The following SETD7 variants were observed in gnomAD, a reference collection of about 807,000 sequenced individuals.
The protein encoded by SETD7 is histone-lysine N-methyltransferase SETD7.
SETD7 carries 16 observed loss-of-function variants against 41.8 expected under a neutral mutation model. That is an observed-to-expected ratio of 0.38 (90% CI 0.26 to 0.58). The LOEUF (loss-of-function observed/expected upper bound fraction) is 0.58, where lower values mean the gene tolerates loss of function less well. Among genes scored for constraint, SETD7 ranks in the 20% least tolerant of loss-of-function variants. SETD7 has a pLI of 0.64. For synonymous variants in SETD7, 163 were observed against 169.7 expected, an observed-to-expected ratio of 0.96 and a Z score of 0.31; for missense variants, 346 against 459.7, an observed-to-expected ratio of 0.75 and a Z score of 2.26.
At chr4:139,514,248 G>A (rs769007259) in intron 7 of SETD7, among the ~76,000 whole-genome samples, 26 of 151,984 alleles carry the variant, frequency 1.7e-4, no homozygotes, top group Non-Finnish European at 2.9e-4. Flanking sequence ...TTATGCCACT[G>A]CACTCCAGTT....
chr4:139,545,590 T>C (rs1034166828), intron 2 of SETD7, among the ~76,000 whole-genome samples: 7 of 152,218 alleles, frequency 4.6e-5, no homozygotes, highest in Admixed American at 3.3e-4. Context: ...GGAATTATAA[T>C]TAAAATGAAA....
chr4:139,546,835 C>G, intron 2 of SETD7, 85 bp downstream of exon 2: 1 of 1,575,342 alleles, frequency 6.3e-7, no homozygotes, highest in South Asian at 1.1e-5. Flanking sequence ...AGAAAAACTT[C>G]CACTTGAATT....
intron 5 of SETD7, among the ~76,000 whole-genome samples, chr4:139,522,328 A>G (rs1285914337): frequency 1.3e-5 from 2 of 152,200 alleles, no homozygotes; most frequent in Admixed American, 1.3e-4. Flanking sequence ...TCATAAACAG[A>G]TCTGTTGCTA....
chr4:139,530,749 G>A (rs1727462846), intron 3 of SETD7, among the ~76,000 whole-genome samples: 1 of 152,110 alleles, frequency 6.6e-6, no homozygotes, highest in African/African-American at 2.4e-5. Context: ...TATTTGTCCA[G>A]AATGATAAAG....
intron 1 of SETD7, 82 bp from the exon 2 acceptor site, chr4:139,547,131 G>T: frequency 6.5e-7 from 1 of 1,542,304 alleles, no homozygotes; most frequent in Non-Finnish European, 8.8e-7. Context: ...GATGCTGCCA[G>T]ACAAGTCCCC....
chr4:139,497,893 C>T (rs976174036), intron 7 of SETD7, among the ~76,000 whole-genome samples: 3 of 152,090 alleles, frequency 2.0e-5, no homozygotes, highest in Non-Finnish European at 2.9e-5. Context: ...TCATCCTTTC[C>T]CTAGAGGTGT....
At chr4:139,512,483 G>GGA (rs1245127344) in intron 7 of SETD7, among the ~76,000 whole-genome samples, 33 of 152,316 alleles carry the variant, frequency 2.2e-4, no homozygotes, top group Non-Finnish European at 4.3e-4. Flanking sequence ...CCTATGAAGA[G>GGA]AGCAGTATCT....
chr4:139,550,396 T>C (rs6536238), intron 1 of SETD7, among the ~76,000 whole-genome samples: 83,116 of 152,044 alleles, frequency 0.55, 23,849 homozygotes, highest in African/African-American at 0.74. Context: ...AGCAGGAGCC[T>C]CTTCCTGGCT....
chr4:139,551,268 G>A (rs922980717), intron 1 of SETD7, among the ~76,000 whole-genome samples: 2 of 152,250 alleles, frequency 1.3e-5, no homozygotes, highest in African/African-American at 4.8e-5. Context: ...ACTGAACAGA[G>A]GGTGAATACC....
At chr4:139,553,815 T>C (rs1417406389) in intron 1 of SETD7, among the ~76,000 whole-genome samples, 1 of 152,224 alleles carries the variant, frequency 6.6e-6, no homozygotes, top group Admixed American at 6.5e-5. Context: ...AGTTGGTACT[T>C]AAACACTAAG....
At chr4:139,523,783 T>C (rs956000340) in intron 4 of SETD7, among the ~76,000 whole-genome samples, 2 of 152,342 alleles carry the variant, frequency 1.3e-5, no homozygotes, top group Admixed American at 6.5e-5. Flanking sequence ...TGGTTTTAAA[T>C]TTTTCTGGTG....
chr4:139,524,579 A>G (rs1430710652), intron 4 of SETD7, among the ~76,000 whole-genome samples: 2 of 152,208 alleles, frequency 1.3e-5, no homozygotes, highest in African/African-American at 4.8e-5. Flanking sequence ...GCTGGTTGAC[A>G]CAGAGAGGGC....
chr4:139,542,826 T>C (rs1313215092), intron 2 of SETD7, among the ~76,000 whole-genome samples: 3 of 152,244 alleles, frequency 2.0e-5, no homozygotes, highest in Admixed American at 2.0e-4. Context: ...TTGAAATTCT[T>C]ATTCAGATTT....
rs34969738 is a variant in SETD7, at chr4:139,555,182, CA to C, written c.40+915del. 0.12 allele frequency among the ~76,000 whole-genome samples: 13,445 copies of C among 110,226 alleles called. 981 individuals are homozygous for C. The highest frequency in any genetic ancestry group is 0.24 in the African/African-American group (7,646 of 31,992). The allele number at this position is 110,226 out of a possible 152,430, so 72.3% of individuals were successfully genotyped here. On this transcript the variant is annotated intron_variant, in intron 1 of 7. Transcript: ENST00000274031. This position sits in a 1 kb window ranked among gnomAD's most constrained non-coding sequence, Gnocchi z 4.0. ...CCCCACATCGTTTTTTCAGAACTAA[CA>C]AAAAAAAAAAAAAAAAGGTGGAGAA... is the stretch of plus-strand genomic sequence containing the variant.
chr4:139,516,237 G>A (rs1432664624), intron 7 of SETD7, among the ~76,000 whole-genome samples: 7 of 151,898 alleles, frequency 4.6e-5, no homozygotes, highest in Non-Finnish European at 8.8e-5. Flanking sequence ...AGGCTGAGGC[G>A]GGTGGATCCC....
intron 2 of SETD7, among the ~76,000 whole-genome samples, chr4:139,541,541 G>A (rs1250725123): frequency 6.6e-6 from 1 of 152,212 alleles, no homozygotes; most frequent in Admixed American, 6.5e-5. Flanking sequence ...TCGGGACCGA[G>A]TGGATGTAAA....
rs1281575007 is a variant in SETD7, at chr4:139,511,569, G to T, written c.*94C>A. On this transcript the variant is annotated 3_prime_UTR_variant, in exon 8 of 8. Coordinates refer to ENST00000274031, the MANE Select transcript of SETD7 (RefSeq NM_030648.4). ...CATGGTGAGAGGATGTGACGTCACA[G>T]CATGAGCAGTCCCTGGTTGTCCCAT... is the stretch of plus-strand genomic sequence containing the variant. The T allele has an allele frequency of 4.6e-5, 73 of 1,587,134 alleles. No homozygotes were observed. Among genetic ancestry groups the T allele is most frequent in the Non-Finnish European group, 5.9e-5 (69 of 1,173,432 alleles).
rs1488331883 is a variant in SETD7 at position 139,529,130 on chromosome 4, G to A, written c.463C>T (p.Leu155Phe). The change falls in exon 4 of 8, where the codon CTT becomes TTT. Residue 155 changes from leucine to phenylalanine, a missense_variant. Coordinates refer to ENST00000274031, the MANE Select transcript of SETD7 (RefSeq NM_030648.4). ...AYVYPDERTA[L>F]YGKFIDGEMI... is the part of the protein sequence containing the mutation. ...TCTCCATCAATAAATTTCCCATAAA[G>A]TGCGGTCCTCTCATCAGGGTACACA... is the stretch of plus-strand genomic sequence containing the variant. 6.2e-7 allele frequency: 1 copy of A among 1,614,040 alleles called. No individual in the cohort carries two copies. Among genetic ancestry groups the A allele is most frequent in the Non-Finnish European group, 8.5e-7 (1 of 1,179,984 alleles).
chr4:139,511,572 T>C lies in SETD7; in HGVS notation c.*91A>G. ...GGTGAGAGGATGTGACGTCACAGCA[T>C]GAGCAGTCCCTGGTTGTCCCATTGT... On this transcript the variant is annotated 3_prime_UTR_variant, in exon 8 of 8. Coordinates refer to ENST00000274031, the MANE Select transcript of SETD7 (RefSeq NM_030648.4). 2 of 1,587,992 alleles carry C rather than the reference T, an allele frequency of 1.3e-6. No individual in the cohort carries two copies. The highest frequency in any genetic ancestry group is 1.9e-5 in the Admixed American group (1 of 51,334).
Sources: allele counts gnomAD v4.1 joint callset (sites outside exome capture counted in the v4.1 genomes callset), GRCh38; gene constraint gnomAD v4.1.1; non-coding constraint Gnocchi (gnomAD v3.1); transcripts MANE v1.5; gene names NCBI Gene and HGNC (gene_info 2026-07-23, HGNC 2026-07-21).